The following TARDBP variants were observed in gnomAD, a reference collection of about 807,000 sequenced individuals.
TARDBP encodes the protein TAR DNA-binding protein 43.
In TARDBP, 4 loss-of-function variants were observed where a neutral mutation model predicts 38.3. The observed-to-expected ratio is 0.10, with a 90% CI of 0.05 to 0.24. The LOEUF (loss-of-function observed/expected upper bound fraction) is 0.24. TARDBP is among the 10% of genes least tolerant of loss of function. The pLI, the probability that TARDBP is intolerant of heterozygous loss-of-function variation, is 1.00. For missense variants in TARDBP, 202 were observed against 521.9 expected, an observed-to-expected ratio of 0.39 and a Z score of 5.97; for synonymous variants, 184 against 183.8, an observed-to-expected ratio of 1.00 and a Z score of -0.01.
At chr1:11,020,365 T>C in intron 4 of TARDBP, 64 bp from the exon 5 acceptor site, 1 of 1,596,184 alleles carries the variant, frequency 6.3e-7, no homozygotes, top group Non-Finnish European at 8.6e-7. Flanking sequence ...ATCCCTTACC[T>C]TAATGTTTTT....
At chr1:11,028,812 C>T (rs1643789201), downstream of TARDBP, among the ~76,000 whole-genome samples, 1 of 149,196 alleles carries the variant, frequency 6.7e-6, no homozygotes, top group African/African-American at 2.5e-5. Flanking sequence ...CTCCCAGGTT[C>T]ATGCCATTCT....
chr1:11,027,475 C>G (rs767456657), downstream of TARDBP: 3 of 1,614,122 alleles, frequency 1.9e-6, no homozygotes, highest in South Asian at 3.3e-5. Flanking sequence ...GCGGATGCAT[C>G]ATGTTTTTGC....
chr1:11,023,150 A>G lies in TARDBP; in HGVS notation c.*496A>G. 1.3e-6 allele frequency: 2 copies of G among 1,547,230 alleles called. No homozygotes were observed. Among genetic ancestry groups the G allele is most frequent in the Non-Finnish European group, 1.7e-6 (2 of 1,144,530 alleles). On this transcript the variant is annotated 3_prime_UTR_variant, in exon 6 of 6. Transcript: ENST00000240185. The stretch of plus-strand genomic sequence containing the variant: ...TGTTTTTTAACACTTGTCTCCCCTC[A>G]TACACAAAAGTACAATATGAAGCCT...
At position 11,013,808 on chromosome 1, in the gene TARDBP, G is replaced by A. The variant is rs776777703; in HGVS notation, c.81G>A (p.Leu27=). 38 of 1,613,968 alleles carry A rather than the reference G, an allele frequency of 2.4e-5. No individual in the cohort carries two copies. In the East Asian group the frequency reaches 7.6e-4, roughly 32 times the overall value. Residue 27 remains leucine (L), a synonymous_variant, in exon 2 of 6, where the codon CTG becomes CTA. Coordinates refer to ENST00000240185, the MANE Select transcript of TARDBP (RefSeq NM_007375.4). ...EIPSEDDGTV[L]LSTVTAQFPG... ...CATCGGAAGACGATGGGACGGTGCT[G>A]CTCTCCACGGTTACAGCCCAGTTTC...
chr1:11,020,735 G>A (rs1177373107), intron 5 of TARDBP, 136 bp downstream of exon 5: 60 of 826,460 alleles, frequency 7.3e-5, no homozygotes, highest in Non-Finnish European at 9.7e-5. Context: ...GTGAAACCCC[G>A]TCTCTATTAA....
rs558408616 is a variant in TARDBP at position 11,015,104 on chromosome 1, CAAA to C, written c.238+1151_238+1153del. Reference sequence around the variant, plus strand: ...CCTGTGACAGAGCAAGACTTCGTCTCAAAAAAAAAAAAAATTGATAATGTAAAC... The same window carrying C: ...CCTGTGACAGAGCAAGACTTCGTCTCAAAAAAAAAAATTGATAATGTAAAC... On this transcript the variant is annotated intron_variant, in intron 2 of 5. Coordinates refer to ENST00000240185, the MANE Select transcript of TARDBP (RefSeq NM_007375.4). Among the ~76,000 whole-genome samples the C allele has an allele frequency of 5.5e-4, 74 of 133,738 alleles. 1 individual carries two copies. The East Asian group carries it at 0.016, about 28-fold the overall frequency. 87.7% of individuals were successfully genotyped at this position (133,738 alleles called of 152,430 possible). A position where few individuals can be genotyped will look rare whatever the true frequency, so the allele number is the denominator to read the frequency against.
In TARDBP at chr1:11,016,895, A is replaced by G. The variant is rs1004792697; in HGVS notation, c.290A>G (p.Lys97Arg). The G allele has an allele frequency of 1.5e-5, 24 of 1,614,102 alleles. No individual in the cohort carries two copies. Among genetic ancestry groups the G allele is most frequent in the Non-Finnish European group, 1.9e-5 (23 of 1,180,044 alleles). Residue 97 changes from lysine (K) to arginine (R), a missense_variant, in exon 3 of 6, where the codon AAA becomes AGA. Physicochemically the swap from Lys to Arg is conservative, Grantham distance 26. Coordinates refer to ENST00000240185, the MANE Select transcript of TARDBP (RefSeq NM_007375.4). ...ETDASSAVKV[K>R]RAVQKTSDLI... is the part of the protein sequence containing the mutation. Reference sequence around the variant, plus strand: ...GATGCTTCATCAGCAGTGAAAGTGAAAAGAGCAGTCCAGAAAACATCCGAT... The same window carrying G: ...GATGCTTCATCAGCAGTGAAAGTGAGAAGAGCAGTCCAGAAAACATCCGAT...
chr1:11,028,838 T>C (rs1331550937), downstream of TARDBP, among the ~76,000 whole-genome samples: 20 of 141,850 alleles, frequency 1.4e-4, no homozygotes, highest in South Asian at 4.9e-4. Context: ...CTCAGCCTCC[T>C]GAGTAGCTGG....
chr1:11,026,774 GCAA>G, downstream of TARDBP: 1 of 898,556 alleles, frequency 1.1e-6, no homozygotes, highest in East Asian at 3.0e-5. Flanking sequence ...TTTGGGTGGA[GCAA>G]CAACTGCCAT....
chr1:11,027,654 G>T, downstream of TARDBP: 1 of 1,589,914 alleles, frequency 6.3e-7, no homozygotes, highest in African/African-American at 1.4e-5. Context: ...ACAAACTGGA[G>T]AAAGAAGCAG....
At chr1:11,021,176 T>C (rs1643630277) in intron 5 of TARDBP, among the ~76,000 whole-genome samples, 1 of 152,046 alleles carries the variant, frequency 6.6e-6, no homozygotes, top group South Asian at 2.1e-4. Flanking sequence ...TTTGCTCTTG[T>C]TGCCCGGGCT....
chr1:11,030,188 C>T (rs774880158), downstream of TARDBP: 1 of 1,612,652 alleles, frequency 6.2e-7, no homozygotes. Context: ...GGCTCACAGA[C>T]TGGGAGTGAT....
chr1:11,020,449 G>A lies in TARDBP; in HGVS notation c.564G>A (p.Leu188=), dbSNP rs1163171157. ...PNSKQSQDEP[L]RSRKVFVGRC... ...ATCAGCAAAGCCAAGATGAGCCTTTGAGAAGCAGAAAAGTGTTTGTGGGGC... is the reference window on the plus strand; with the variant it reads ...ATCAGCAAAGCCAAGATGAGCCTTTAAGAAGCAGAAAAGTGTTTGTGGGGC... The change falls in exon 5 of 6, where the codon TTG becomes TTA. Residue 188 remains leucine, a synonymous_variant. Transcript: ENST00000240185. 6.2e-7 allele frequency: 1 copy of A among 1,613,822 alleles called. No homozygotes were observed. The highest frequency in any genetic ancestry group is 1.7e-5 in the Admixed American group (1 of 59,976).
chr1:11,029,296 G>C (rs1169152555), downstream of TARDBP, among the ~76,000 whole-genome samples: 1 of 150,850 alleles, frequency 6.6e-6, no homozygotes, highest in Non-Finnish European at 1.5e-5. Flanking sequence ...CACCATGCCT[G>C]GCCCTGATTT....
intron 3 of TARDBP, chr1:11,018,454 A>G (rs2100848182): frequency 2.3e-6 from 1 of 438,780 alleles, no homozygotes; most frequent in East Asian, 4.8e-5. Flanking sequence ...ATCCCAAAGC[A>G]CTGGGAATAC....
chr1:11,013,187 C>A (rs1643446381), intron 1 of TARDBP, among the ~76,000 whole-genome samples: 1 of 152,218 alleles, frequency 6.6e-6, no homozygotes, highest in Non-Finnish European at 1.5e-5. Flanking sequence ...GCAGAGCCCC[C>A]GGAAGCCCCA....
At chr1:11,020,388 A>T in intron 4 of TARDBP, 41 bp from the exon 5 acceptor site, 1 of 1,612,092 alleles carries the variant, frequency 6.2e-7, no homozygotes, top group South Asian at 1.1e-5. Flanking sequence ...CATTGTTCAT[A>T]ACATATTTCT....
downstream of TARDBP, chr1:11,026,740 G>A: frequency 5.3e-6 from 3 of 566,596 alleles, no homozygotes; most frequent in East Asian, 1.0e-4. Context: ...AGAAATGACA[G>A]CAGCCTCACC....
chr1:11,030,175 C>T (rs748327434), downstream of TARDBP: 14 of 1,608,652 alleles, frequency 8.7e-6, no homozygotes, highest in Non-Finnish European at 3.4e-6. Flanking sequence ...GTATCCATTA[C>T]CAGGCTCACA....
Sources: allele counts gnomAD v4.1 joint callset (sites outside exome capture counted in the v4.1 genomes callset), GRCh38; gene constraint gnomAD v4.1.1; transcripts MANE v1.5; gene names NCBI Gene and HGNC (gene_info 2026-07-23, HGNC 2026-07-21).